LRPPRC: variants seen among roughly 807,000 people sequenced by gnomAD.
LRPPRC encodes the protein leucine-rich PPR motif-containing protein, mitochondrial.
LRPPRC carries 120 observed loss-of-function variants against 180.3 expected under a neutral mutation model. The observed-to-expected ratio is 0.67, with a 90% CI of 0.57 to 0.77. The LOEUF is 0.77. LRPPRC is among the 30% of genes least tolerant of loss of function. LRPPRC has a pLI of 0.00. For missense variants in LRPPRC, 2,012 were observed against 1,657.2 expected (o/e 1.21, Z -3.72); for synonymous variants, 723 against 600.0 (o/e 1.21, Z -3.00).
intron 24 of LRPPRC, 58 bp downstream of exon 24, chr2:43,934,696 G>A: frequency 6.6e-7 from 1 of 1,505,980 alleles, no homozygotes; most frequent in Non-Finnish European, 9.2e-7. Context: ...AATACACTAA[G>A]ATTAAATCAG....
chr2:43,923,306 C>T (rs1436872780), intron 27 of LRPPRC, among the ~76,000 whole-genome samples: 1 of 151,692 alleles, frequency 6.6e-6, no homozygotes, highest in East Asian at 1.9e-4. Context: ...TAGTGGGACC[C>T]CGTCTCCACA....
Position 43,901,774 on chromosome 2 carries a change from G to A in LRPPRC, c.3365-250C>T, listed in dbSNP as rs576241934. The A allele has an allele frequency of 3.5e-5, 16 of 456,964 alleles. No homozygotes were observed. The Admixed American group carries it at 5.1e-4, about 15-fold the overall frequency. 28.3% of individuals were successfully genotyped at this position (456,964 alleles called of 1,614,324 possible). A position where few individuals can be genotyped will look rare whatever the true frequency, so the allele number is the denominator to read the frequency against. On this transcript the variant is annotated intron_variant, in intron 31 of 37. Transcript: ENST00000260665. ...TCACAGAGAAAATACAAATGTTACC[G>A]ACAATATGAGTTCCATTTAGGGATA...
At position 43,912,571 on chromosome 2, in the gene LRPPRC, AC is replaced by A; in HGVS notation, c.3149-14del. On this transcript the variant is annotated splice_polypyrimidine_tract_variant and intron_variant, in intron 29 of 37. Transcript: ENST00000260665. ...ATATCATATGCCCCTATGAGAGAAAACAGACAAAAAAAATGAGATGACATTA... is the reference window on the plus strand; with the variant it reads ...ATATCATATGCCCCTATGAGAGAAAAAGACAAAAAAAATGAGATGACATTA... The A allele has an allele frequency of 6.2e-7, 1 of 1,605,976 alleles. No individual in the cohort carries two copies. Among genetic ancestry groups the A allele is most frequent in the Non-Finnish European group, 8.5e-7 (1 of 1,173,076 alleles).
At chr2:43,895,442 C>T (rs1050832506) in intron 35 of LRPPRC, among the ~76,000 whole-genome samples, 10 of 152,186 alleles carry the variant, frequency 6.6e-5, no homozygotes, top group African/African-American at 2.2e-4. Flanking sequence ...GACATATTGC[C>T]GTGCATTTCC....
At chr2:43,895,825 C>T (rs898045512) in intron 35 of LRPPRC, among the ~76,000 whole-genome samples, 1 of 152,054 alleles carries the variant, frequency 6.6e-6, no homozygotes, top group East Asian at 1.9e-4. Flanking sequence ...TTCTCGTATA[C>T]AAGAGGTAAA....
chr2:43,922,531 G>A (rs1041387734), intron 27 of LRPPRC, among the ~76,000 whole-genome samples: 5 of 152,128 alleles, frequency 3.3e-5, no homozygotes, highest in African/African-American at 7.2e-5. Context: ...AGGCCAAGGC[G>A]GGTGGATCAC....
At chr2:43,956,050 C>G (rs573817840) in intron 14 of LRPPRC, among the ~76,000 whole-genome samples, 62 of 148,346 alleles carry the variant, frequency 4.2e-4, no homozygotes, top group African/African-American at 1.3e-3. Context: ...GCTAAAAATG[C>G]TTAATCTGAG....
intron 1 of LRPPRC, among the ~76,000 whole-genome samples, chr2:43,991,785 G>A (rs1674793445): frequency 6.6e-6 from 1 of 152,204 alleles, no homozygotes; most frequent in African/African-American, 2.4e-5. Context: ...GATTACTAAT[G>A]TCTAATAATT....
At chr2:43,892,348 G>A (rs941607733) in intron 36 of LRPPRC, among the ~76,000 whole-genome samples, 2 of 152,146 alleles carry the variant, frequency 1.3e-5, no homozygotes, top group South Asian at 2.1e-4. Context: ...TTATGTTGAT[G>A]CCAATGCTCA....
intron 2 of LRPPRC, among the ~76,000 whole-genome samples, chr2:43,980,314 G>A (rs1274898150): frequency 6.6e-6 from 1 of 152,176 alleles, no homozygotes; most frequent in Non-Finnish European, 1.5e-5. Context: ...AGTACTTTGG[G>A]AGGTTGAGGC....
At position 43,895,158 on chromosome 2, in the gene LRPPRC, A is replaced by AATG. The variant is rs768496219; in HGVS notation, c.3901-532_3901-530dup. ...AGTGAATACAGAACTGCTATGCCGT[A>AATG]ATGAATATCTGCTGAGTATTTCCCG... is the stretch of plus-strand genomic sequence containing the variant. On this transcript the variant is annotated intron_variant, in intron 35 of 37. Transcript: ENST00000260665. Among the ~76,000 whole-genome samples, 5 of 152,220 alleles carry AATG rather than the reference A, an allele frequency of 3.3e-5. No individual in the cohort carries two copies. In the East Asian group the frequency reaches 7.7e-4, roughly 23 times the overall value.
At chr2:43,912,365 A>C in intron 30 of LRPPRC, 67 bp downstream of exon 30, 2 of 1,417,550 alleles carry the variant, frequency 1.4e-6, no homozygotes, top group Non-Finnish European at 2.0e-6. Flanking sequence ...TACTATTATA[A>C]TTATTGGCTA....
At chr2:43,992,630 A>C (rs1674833479) in intron 1 of LRPPRC, among the ~76,000 whole-genome samples, 2 of 152,222 alleles carry the variant, frequency 1.3e-5, no homozygotes, top group South Asian at 4.1e-4. Flanking sequence ...GATGCATTCC[A>C]AATGAAGCAG....
At chr2:43,892,936 T>C (rs1394819023) in intron 36 of LRPPRC, 1 of 152,234 alleles carries the variant, frequency 6.6e-6, no homozygotes, top group African/African-American at 2.4e-5. Flanking sequence ...TAAGAACATC[T>C]GTAATTGATA....
Position 43,886,577 on chromosome 2 carries a change from A to C in LRPPRC, c.*2023T>G, listed in dbSNP as rs993082266. On this transcript the variant is annotated 3_prime_UTR_variant, in exon 38 of 38. Transcript: ENST00000260665. ...CCCCCCCGCTGCTGCCGAGAGGGCT[A>C]GATAAGGGGGTCTTACCTATTTCCT... 3 of 152,246 alleles carry C rather than the reference A, an allele frequency of 2.0e-5. No homozygotes were observed. Among genetic ancestry groups the C allele is most frequent in the Admixed American group, 6.5e-5 (1 of 15,286 alleles). The allele number at this position is 152,246 out of a possible 1,614,324, so 9.4% of individuals were successfully genotyped here.
At chr2:43,979,192 T>A (rs1674192057) in intron 3 of LRPPRC, among the ~76,000 whole-genome samples, 1 of 152,130 alleles carries the variant, frequency 6.6e-6, no homozygotes, top group African/African-American at 2.4e-5. Flanking sequence ...AAAACCTGTA[T>A]CCAGTGTTCA....
rs1672667108 is a variant in LRPPRC at position 43,945,994 on chromosome 2, A to T, written c.2210+119T>A. 4.5e-6 allele frequency: 5 copies of T among 1,110,822 alleles called. No individual in the cohort carries two copies. The Admixed American group carries it at 7.2e-5, about 16-fold the overall frequency. 68.8% of individuals were successfully genotyped at this position (1,110,822 alleles called of 1,614,324 possible). On this transcript the variant is annotated intron_variant, in intron 21 of 37. Transcript: ENST00000260665. The stretch of plus-strand genomic sequence containing the variant: ...AATACGAAATTTCAAAAACACTGAC[A>T]ACAAAAGAATTTTTAAAAATGACAT...
At chr2:43,927,510 C>A (rs953404180) in intron 25 of LRPPRC, among the ~76,000 whole-genome samples, 1 of 152,160 alleles carries the variant, frequency 6.6e-6, no homozygotes, top group Non-Finnish European at 1.5e-5. Context: ...GGCACAATTT[C>A]TTCTCAAGGA....
chr2:43,949,820 G>A (rs1157960658), intron 15 of LRPPRC, among the ~76,000 whole-genome samples, 161 bp from the exon 16 acceptor site: 1 of 152,050 alleles, frequency 6.6e-6, no homozygotes. Flanking sequence ...AGATTGTTTT[G>A]TTTTTAAATA....
Sources: allele counts gnomAD v4.1 joint callset (sites outside exome capture counted in the v4.1 genomes callset), GRCh38; gene constraint gnomAD v4.1.1; transcripts MANE v1.5; gene names NCBI Gene and HGNC (gene_info 2026-07-23, HGNC 2026-07-21).